RALGPS2: variants seen among roughly 807,000 people sequenced by gnomAD.
RALGPS2 encodes Ral GEF with PH domain and SH3 binding motif 2.
RALGPS2 carries 43 observed loss-of-function variants against 86.8 expected under a neutral mutation model. That is an observed-to-expected ratio of 0.50 (90% CI 0.39 to 0.64). RALGPS2 has a LOEUF of 0.64. Among genes scored for constraint, RALGPS2 ranks in the 30% least tolerant of loss-of-function variants. RALGPS2 has a pLI of 0.00. For synonymous variants in RALGPS2, 243 were observed against 231.3 expected (o/e 1.05, Z -0.46); for missense variants, 536 against 694.6 (o/e 0.77, Z 2.57).
In RALGPS2 at chr1:178,856,190, CAGAGAGAG is replaced by C. The variant is rs139246466; in HGVS notation, c.608-21302_608-21295del. On this transcript the variant is annotated intron_variant, in intron 8 of 19. Transcript: ENST00000367635. ...GAGAACTGTGTTACCTGTACTTTTCCAGAGAGAGAGAGATATATATATATATATATATA... is the reference window on the plus strand; with the variant it reads ...GAGAACTGTGTTACCTGTACTTTTCCAGAGATATATATATATATATATATA... 8.1e-3 allele frequency among the ~76,000 whole-genome samples: 552 copies of C among 68,374 alleles called. 8 individuals carry two copies. Among genetic ancestry groups the C allele is most frequent in the Middle Eastern group, 0.015 (2 of 132 alleles). 44.9% of individuals were successfully genotyped at this position (68,374 alleles called of 152,430 possible). A position where few individuals can be genotyped will look rare whatever the true frequency, so the allele number is the denominator to read the frequency against.
At chr1:178,834,073 A>G (rs1656153601) in intron 8 of RALGPS2, among the ~76,000 whole-genome samples, 1 of 152,158 alleles carries the variant, frequency 6.6e-6, no homozygotes, top group Non-Finnish European at 1.5e-5. Flanking sequence ...TATATCTTGT[A>G]GTGCTTATAA....
chr1:178,886,066 G>A lies in RALGPS2; in HGVS notation c.1138G>A (p.Ala380Thr), dbSNP rs780683289. The part of the protein sequence containing the change: ...LLDDSVMEPH[A>T]PSRGQAESST... ...AGATGATAGCGTCATGGAGCCCCAT[G>A]CGCCATCTCGAGGCCAAGCTGAAAG... is the stretch of plus-strand genomic sequence containing the variant. The change falls in exon 13 of 20, where the codon GCG becomes ACG. Residue 380 changes from alanine (A) to threonine (T), a missense_variant. Around this residue, in one of 3 missense-constraint regions of RALGPS2, gnomAD observed 309 missense variants for 363.0 expected, o/e 0.85. Transcript: ENST00000367635. 33 of 1,613,660 alleles carry A rather than the reference G, an allele frequency of 2.0e-5. No homozygotes were observed. The South Asian group carries it at 3.3e-4, about 16-fold the overall frequency.
chr1:178,727,534 A>G (rs1221279302), intron 1 of RALGPS2, among the ~76,000 whole-genome samples: 1 of 152,244 alleles, frequency 6.6e-6, no homozygotes. Flanking sequence ...GTAATACTAG[A>G]AAGAATACAA....
intron 1 of RALGPS2, among the ~76,000 whole-genome samples, chr1:178,761,934 A>G (rs1157348121): frequency 1.3e-5 from 2 of 151,914 alleles, no homozygotes; most frequent in African/African-American, 2.4e-5. Context: ...GAGGGGTTTG[A>G]TGTATAGATT....
chr1:178,742,618 T>C (rs1429786872), intron 1 of RALGPS2, among the ~76,000 whole-genome samples: 1 of 152,206 alleles, frequency 6.6e-6, no homozygotes, highest in Non-Finnish European at 1.5e-5. Flanking sequence ...TTAATTAACA[T>C]TTACAGAATC....
At chr1:178,880,636 C>T (rs1659205675) in intron 10 of RALGPS2, among the ~76,000 whole-genome samples, 1 of 151,998 alleles carries the variant, frequency 6.6e-6, no homozygotes, top group Admixed American at 6.6e-5. Flanking sequence ...TAAGTTTTGT[C>T]CAGTGAGATG....
chr1:178,827,980 C>G (rs1273136087), intron 7 of RALGPS2, among the ~76,000 whole-genome samples: 2 of 152,124 alleles, frequency 1.3e-5, no homozygotes, highest in East Asian at 1.9e-4. Flanking sequence ...ATACTTAGTA[C>G]TTAAACATGA....
intron 1 of RALGPS2, among the ~76,000 whole-genome samples, chr1:178,776,235 T>C (rs1653076361): frequency 6.6e-6 from 1 of 152,178 alleles, no homozygotes; most frequent in Non-Finnish European, 1.5e-5. Flanking sequence ...ATTTTAAGTA[T>C]TTGTGATATG....
chr1:178,800,760 G>C (rs1654432013), intron 4 of RALGPS2, among the ~76,000 whole-genome samples: 1 of 152,020 alleles, frequency 6.6e-6, no homozygotes, highest in African/African-American at 2.4e-5. Flanking sequence ...CCCCTGAGTT[G>C]TTTAAGGGTC....
rs1647237944 is a variant in RALGPS2, at chr1:178,920,164, A to T, written c.*3805A>T. ...ATATTGCTATTTAATCACATTGATGATGAATTACTTTCCATGTGAACCTTC... is the reference window on the plus strand; with the variant it reads ...ATATTGCTATTTAATCACATTGATGTTGAATTACTTTCCATGTGAACCTTC... On this transcript the variant is annotated 3_prime_UTR_variant, in exon 20 of 20. Transcript: ENST00000367635. The T allele has an allele frequency of 6.6e-6, 1 of 152,028 alleles. No individual in the cohort carries two copies. The highest frequency in any genetic ancestry group is 2.1e-4 in the South Asian group (1 of 4,830). 9.4% of individuals were successfully genotyped at this position (152,028 alleles called of 1,614,324 possible). A position where few individuals can be genotyped will look rare whatever the true frequency, so the allele number is the denominator to read the frequency against.
At chr1:178,900,057 C>T (rs529880273) in intron 17 of RALGPS2, among the ~76,000 whole-genome samples, 1 of 151,902 alleles carries the variant, frequency 6.6e-6, no homozygotes, top group Non-Finnish European at 1.5e-5. Context: ...ATGATGTCTG[C>T]AATTTGCATT....
rs887304094 is a variant in RALGPS2 at position 178,919,535 on chromosome 1, C to G, written c.*3176C>G. 7.9e-5 allele frequency: 12 copies of G among 152,000 alleles called. No homozygotes were observed. The highest frequency in any genetic ancestry group is 1.5e-4 in the Non-Finnish European group (10 of 67,896). 9.4% of individuals were successfully genotyped at this position (152,000 alleles called of 1,614,324 possible). ...TGGAAAACATGTTTACAGACTCTAGCTTTCCTTATTAGCTTAAACTGGGGC... is the reference window on the plus strand; with the variant it reads ...TGGAAAACATGTTTACAGACTCTAGGTTTCCTTATTAGCTTAAACTGGGGC... On this transcript the variant is annotated 3_prime_UTR_variant, in exon 20 of 20. Transcript: ENST00000367635.
At chr1:178,834,958 A>C (rs1656203006) in intron 8 of RALGPS2, among the ~76,000 whole-genome samples, 1 of 152,078 alleles carries the variant, frequency 6.6e-6, no homozygotes, top group Non-Finnish European at 1.5e-5. Flanking sequence ...TTGTATTTTT[A>C]GTAGAGACAG....
At chr1:178,848,663 T>C (rs1468639602) in intron 8 of RALGPS2, among the ~76,000 whole-genome samples, 2 of 152,208 alleles carry the variant, frequency 1.3e-5, no homozygotes, top group Non-Finnish European at 2.9e-5. Context: ...GATATTGTTT[T>C]GTTTTTTGAG....
At chr1:178,745,118 TTAGA>T (rs1193655814) in intron 1 of RALGPS2, among the ~76,000 whole-genome samples, 2 of 152,134 alleles carry the variant, frequency 1.3e-5, no homozygotes, top group Admixed American at 6.5e-5. Context: ...TAAAGAAGAC[TTAGA>T]TAGGTGGGGA....
At chr1:178,817,947 TC>T (rs1415900075) in intron 6 of RALGPS2, among the ~76,000 whole-genome samples, 3 of 152,238 alleles carry the variant, frequency 2.0e-5, no homozygotes, top group Non-Finnish European at 4.4e-5. Context: ...TTTGACTTCT[TC>T]CTTTCTGACT....
At chr1:178,913,780 G>T (rs1344134760) in intron 19 of RALGPS2, among the ~76,000 whole-genome samples, 11 of 152,172 alleles carry the variant, frequency 7.2e-5, no homozygotes, top group Admixed American at 6.5e-4. Context: ...GCTGTGTCCT[G>T]TAACTCCCAA....
At chr1:178,765,408 A>C (rs1206655551) in intron 1 of RALGPS2, among the ~76,000 whole-genome samples, 2 of 152,174 alleles carry the variant, frequency 1.3e-5, no homozygotes, top group Non-Finnish European at 2.9e-5. Flanking sequence ...GCAAGTTTTT[A>C]TTAGTGATTT....
intron 1 of RALGPS2, among the ~76,000 whole-genome samples, chr1:178,774,319 A>G (rs973806240): frequency 1.4e-4 from 22 of 152,332 alleles, no homozygotes; most frequent in Admixed American, 1.2e-3. Flanking sequence ...TCATGCTTAT[A>G]GTTTACAAAT....
Sources: allele counts gnomAD v4.1 joint callset (sites outside exome capture counted in the v4.1 genomes callset), GRCh38; gene constraint gnomAD v4.1.1; regional missense constraint gnomAD v4.1.1; transcripts MANE v1.5; gene names NCBI Gene and HGNC (gene_info 2026-07-23, HGNC 2026-07-21).